The following ZNF223 variants were observed in gnomAD, a reference collection of about 807,000 sequenced individuals.
ZNF223 encodes zinc finger protein 223.
ZNF223 carries 9 observed loss-of-function variants against 12.3 expected under a neutral mutation model. The ratio of observed to expected loss-of-function variants is 0.73; its 90% confidence interval spans 0.44 to 1.28. The LOEUF (loss-of-function observed/expected upper bound fraction) is 1.28, where lower values mean the gene tolerates loss of function less well. ZNF223 is among the 50% of genes most tolerant of loss of function. The pLI is 0.00. For missense variants in ZNF223, 506 were observed against 579.0 expected, an observed-to-expected ratio of 0.87 and a Z score of 1.29; for synonymous variants, 171 against 195.2, an observed-to-expected ratio of 0.88 and a Z score of 1.03.
In ZNF223 at chr19:44,060,447, T is replaced by G; in HGVS notation, c.16-8T>G. Reference sequence around the variant, plus strand: ...TGAGATTGAGGTTGCATATGTTTGATGCTGTAGGAGGCAGTGACCTTCAAG... The same window carrying G: ...TGAGATTGAGGTTGCATATGTTTGAGGCTGTAGGAGGCAGTGACCTTCAAG... On this transcript the variant is annotated splice_polypyrimidine_tract_variant and splice_region_variant and intron_variant, in intron 2 of 4. Transcript: ENST00000434772. 6.2e-7 allele frequency: 1 copy of G among 1,613,898 alleles called. No homozygotes were observed. Among genetic ancestry groups the G allele is most frequent in the South Asian group, 1.1e-5 (1 of 91,058 alleles).
At chr19:44,052,231 A>T (rs145504612) in intron 1 of ZNF223, 36 bp downstream of exon 1, 3 of 152,268 alleles carry the variant, frequency 2.0e-5, no homozygotes, top group Non-Finnish European at 4.4e-5. Flanking sequence ...TGTTCCCGTC[A>T]GCGGAGCCTT....
chr19:44,056,657 G>T (rs1204206863), intron 2 of ZNF223, among the ~76,000 whole-genome samples: 4 of 120,322 alleles, frequency 3.3e-5, no homozygotes, highest in Non-Finnish European at 6.3e-5. Context: ...ACAGTGTTGC[G>T]ATCTCAGCTC....
rs1976936295 is a variant in ZNF223, at chr19:44,067,382, T to C, written c.*105T>C. 4 of 1,249,586 alleles carry C rather than the reference T, an allele frequency of 3.2e-6. No homozygotes were observed. In the African/African-American group the frequency reaches 5.9e-5, roughly 19 times the overall value. 77.4% of individuals were successfully genotyped at this position (1,249,586 alleles called of 1,614,324 possible). A position where few individuals can be genotyped will look rare whatever the true frequency, so the allele number is the denominator to read the frequency against. On this transcript the variant is annotated 3_prime_UTR_variant, in exon 5 of 5. Coordinates refer to ENST00000434772, the MANE Select transcript of ZNF223 (RefSeq NM_013361.6). Reference sequence around the variant, plus strand: ...GCACATTTATCACCTCAATTATCTCTTTTTTGTGTTGAGAAAATTAAAAAT... The same window carrying C: ...GCACATTTATCACCTCAATTATCTCCTTTTTGTGTTGAGAAAATTAAAAAT...
intron 4 of ZNF223, among the ~76,000 whole-genome samples, chr19:44,061,580 G>T (rs996688859): frequency 6.6e-6 from 1 of 152,202 alleles, no homozygotes; most frequent in African/African-American, 2.4e-5. Context: ...CAGGTCCCTT[G>T]TGGTTGTATT....
At chr19:44,055,319 A>G in intron 2 of ZNF223, 128 bp downstream of exon 2, 1 of 1,034,594 alleles carries the variant, frequency 9.7e-7, no homozygotes, top group Non-Finnish European at 1.5e-6. Context: ...TCACCTGGCT[A>G]ATTTTTGTAG....
chr19:44,065,941 G>C, intron 4 of ZNF223, 123 bp from the exon 5 acceptor site: 1 of 1,450,312 alleles, frequency 6.9e-7, no homozygotes, highest in Non-Finnish European at 9.1e-7. Flanking sequence ...AGAAACCAGG[G>C]TGCACTTGGA....
chr19:44,066,462 G>A lies in ZNF223; in HGVS notation c.634G>A (p.Glu212Lys). The A allele has an allele frequency of 6.2e-7, 1 of 1,614,184 alleles. No homozygotes were observed. Among genetic ancestry groups the A allele is most frequent in the Non-Finnish European group, 8.5e-7 (1 of 1,180,040 alleles). ...KLFKCDVCGKEFSQSLHLQTH... is the reference protein window; with the variant it reads ...KLFKCDVCGKKFSQSLHLQTH... ...CTTTAAGTGTGACGTGTGTGGTAAG[G>A]AATTCAGTCAGAGTTTACATCTGCA... Residue 212 changes from glutamate (E) to lysine (K), a missense_variant, in exon 5 of 5, where the codon GAA becomes AAA. Glu to Lys is a moderately conservative substitution (Grantham distance 56). Coordinates refer to ENST00000434772, the MANE Select transcript of ZNF223 (RefSeq NM_013361.6).
At chr19:44,063,394 C>T (rs985695510) in intron 4 of ZNF223, 1 of 152,308 alleles carries the variant, frequency 6.6e-6, no homozygotes, top group African/African-American at 2.4e-5. Context: ...ATGTTACAAC[C>T]CATGCTGTTT....
At position 44,067,362 on chromosome 19, in the gene ZNF223, T is replaced by C; in HGVS notation, c.*85T>C. ...TGATCAAATCAGTGTAATTAGCACA[T>C]TTATCACCTCAATTATCTCTTTTTT... On this transcript the variant is annotated 3_prime_UTR_variant, in exon 5 of 5. Transcript: ENST00000434772. 1 of 1,313,064 alleles carries C rather than the reference T, an allele frequency of 7.6e-7. No individual in the cohort carries two copies. Among genetic ancestry groups the C allele is most frequent in the African/African-American group, 1.5e-5 (1 of 68,562 alleles). 81.3% of individuals were successfully genotyped at this position (1,313,064 alleles called of 1,614,324 possible).
Position 44,067,655 on chromosome 19 carries a change from T to G in ZNF223, c.*378T>G, listed in dbSNP as rs1215361628. On this transcript the variant is annotated 3_prime_UTR_variant, in exon 5 of 5. Transcript: ENST00000434772. ...TTGAAGTTAGTGTTTCAGCCATAGC[T>G]CAGCATACCCCAGTGGTCGTGGGAC... The G allele has an allele frequency of 2.5e-6, 1 of 403,646 alleles. No individual in the cohort carries two copies. Among genetic ancestry groups the G allele is most frequent in the Non-Finnish European group, 4.8e-6 (1 of 207,848 alleles). The allele number at this position is 403,646 out of a possible 1,614,324, so 25.0% of individuals were successfully genotyped here.
rs376619759 is a variant in ZNF223, at chr19:44,066,057, C to G, written c.236-7C>G. On this transcript the variant is annotated splice_polypyrimidine_tract_variant and splice_region_variant and intron_variant, in intron 4 of 4. Transcript: ENST00000434772. ...TGTCCTGATCTCTTAATTTTGTATT[C>G]TGATAGGAGGCAAGATCCAACCTGA... 134 of 1,572,752 alleles carry G rather than the reference C, an allele frequency of 8.5e-5. No individual in the cohort carries two copies. Among genetic ancestry groups the G allele is most frequent in the Non-Finnish European group, 1.1e-4 (123 of 1,164,834 alleles).
At chr19:44,058,324 C>T (rs1030924331) in intron 2 of ZNF223, among the ~76,000 whole-genome samples, 5 of 146,562 alleles carry the variant, frequency 3.4e-5, no homozygotes, top group African/African-American at 1.3e-4. Context: ...ATCGACCTCC[C>T]CTGGCCTCCC....
Position 44,067,341 on chromosome 19 carries a change from C to A in ZNF223, c.*64C>A. ...ATATATGTATATGATGTATAATGAT[C>A]AAATCAGTGTAATTAGCACATTTAT... On this transcript the variant is annotated 3_prime_UTR_variant, in exon 5 of 5. Coordinates refer to ENST00000434772, the MANE Select transcript of ZNF223 (RefSeq NM_013361.6). The A allele has an allele frequency of 6.9e-7, 1 of 1,455,434 alleles. No individual in the cohort carries two copies. The highest frequency in any genetic ancestry group is 1.2e-5 in the South Asian group (1 of 83,070). 90.2% of individuals were successfully genotyped at this position (1,455,434 alleles called of 1,614,324 possible).
At chr19:44,057,545 C>T (rs146710600) in intron 2 of ZNF223, among the ~76,000 whole-genome samples, 13 of 152,174 alleles carry the variant, frequency 8.5e-5, no homozygotes, top group East Asian at 7.7e-4. Flanking sequence ...CAGTCTGTGC[C>T]GTAGACTTTT....
intron 2 of ZNF223, among the ~76,000 whole-genome samples, chr19:44,058,078 C>T (rs1383471246): frequency 6.6e-6 from 1 of 152,142 alleles, no homozygotes; most frequent in African/African-American, 2.4e-5. Context: ...GGTGCCATGA[C>T]TCATGGAGAA....
chr19:44,061,980 GT>G (rs1333898268), intron 4 of ZNF223, among the ~76,000 whole-genome samples: 1 of 152,178 alleles, frequency 6.6e-6, no homozygotes, highest in African/African-American at 2.4e-5. Context: ...TAGATCACCT[GT>G]TCCCTTTCAA....
chr19:44,067,085 GA>G lies in ZNF223; in HGVS notation c.1258del (p.Arg420AspfsTer50), dbSNP rs766416442. On this transcript the variant is annotated frameshift_variant, in exon 5 of 5. Transcript: ENST00000434772. LOFTEE classifies it low-confidence loss of function (END_TRUNC). ...AGGCCTCAAGTATTTTGAATCATAA[GA>G]GACTCCATTGCCGAAAAAAACCATT... Reference protein sequence around the residue: ...RQASSILNHKRLHCRKKPFKC... With the variant: ...RQASSILNHKXLHCRKKPFKC... 3.1e-6 allele frequency: 5 copies of G among 1,613,810 alleles called. No individual in the cohort carries two copies. In the South Asian group the frequency reaches 4.4e-5, roughly 14 times the overall value.
intron 2 of ZNF223, among the ~76,000 whole-genome samples, chr19:44,055,836 A>C (rs1389280603): frequency 2.6e-5 from 4 of 152,148 alleles, no homozygotes; most frequent in Non-Finnish European, 5.9e-5. Context: ...GTGTACTGTC[A>C]CTCATTTACT....
chr19:44,053,712 C>T (rs1462139006), intron 1 of ZNF223, among the ~76,000 whole-genome samples: 1 of 152,166 alleles, frequency 6.6e-6, no homozygotes, highest in Non-Finnish European at 1.5e-5. Flanking sequence ...AGGTCTTTCC[C>T]TTCCCACGAG....
Sources: allele counts gnomAD v4.1 joint callset (sites outside exome capture counted in the v4.1 genomes callset), GRCh38; gene constraint gnomAD v4.1.1; transcripts MANE v1.5; gene names NCBI Gene and HGNC (gene_info 2026-07-23, HGNC 2026-07-21).